The following TARS3 variants were observed in gnomAD, a reference collection of about 807,000 sequenced individuals.
The protein encoded by TARS3 is threonyl-tRNA synthetase 3, also known as threonine--tRNA ligase 2, cytoplasmic.
In TARS3, 94 loss-of-function variants were observed where a neutral mutation model predicts 103.5. That is an observed-to-expected ratio of 0.91 (90% confidence interval 0.77 to 1.08). TARS3 has a LOEUF of 1.08. TARS3 is among the 50% of genes least tolerant of loss of function. The pLI, the probability that TARS3 is intolerant of heterozygous loss-of-function variation, is 0.00. For synonymous variants in TARS3, 416 were observed against 355.4 expected (o/e 1.17, Z -1.92); for missense variants, 952 against 995.2 (o/e 0.96, Z 0.58).
chr15:101,655,901 G>A (rs1596276110), intron 18 of TARS3: 3 of 1,289,052 alleles, frequency 2.3e-6, no homozygotes, highest in Admixed American at 4.6e-5. Flanking sequence ...AGACCCATGC[G>A]AGCCAGCCAG....
chr15:101,654,566 A>G lies in TARS3; in HGVS notation c.*16T>C, dbSNP rs765766747. 8 of 1,602,968 alleles carry G rather than the reference A, an allele frequency of 5.0e-6. No individual in the cohort carries two copies. The highest frequency in any genetic ancestry group is 1.8e-5 in the Admixed American group (1 of 55,604). On this transcript the variant is annotated 3_prime_UTR_variant, in exon 19 of 19. Coordinates refer to ENST00000335968, the MANE Select transcript of TARS3 (RefSeq NM_152334.3). ...TCAAAACAAAGTTACACAGAAGCAAATATCAGGGAAGGACTTCAAAAGGCC... is the reference window on the plus strand; with the variant it reads ...TCAAAACAAAGTTACACAGAAGCAAGTATCAGGGAAGGACTTCAAAAGGCC...
At chr15:101,702,978 C>A (rs1221764841) in intron 8 of TARS3, among the ~76,000 whole-genome samples, 1 of 152,132 alleles carries the variant, frequency 6.6e-6, no homozygotes, top group East Asian at 1.9e-4. Flanking sequence ...ATCATAATCA[C>A]CAAGGATGGG....
At chr15:101,714,156 T>C (rs1305248440) in intron 4 of TARS3, among the ~76,000 whole-genome samples, 1 of 152,222 alleles carries the variant, frequency 6.6e-6, no homozygotes, top group Non-Finnish European at 1.5e-5. Context: ...ATATTAAGTA[T>C]TTAAAGGATA....
intron 10 of TARS3, among the ~76,000 whole-genome samples, chr15:101,687,827 T>C (rs1898540228): frequency 6.6e-6 from 1 of 152,106 alleles, no homozygotes; most frequent in African/African-American, 2.4e-5. Context: ...AGTGTCCTTA[T>C]AAAAGGATTC....
chr15:101,658,031 G>A (rs774963997), intron 16 of TARS3, among the ~76,000 whole-genome samples, 174 bp from the exon 17 acceptor site: 4 of 152,150 alleles, frequency 2.6e-5, no homozygotes, highest in Non-Finnish European at 5.9e-5. Context: ...GTAAATGAAA[G>A]GAGAATTTTG....
intron 12 of TARS3, 25 bp downstream of exon 12, chr15:101,684,050 T>A: frequency 6.3e-7 from 1 of 1,599,106 alleles, no homozygotes; most frequent in Non-Finnish European, 8.5e-7. Context: ...GTGACCACAC[T>A]GCTTCACTCT....
chr15:101,723,148 C>CT lies in TARS3; in HGVS notation c.313dup (p.Ser105LysfsTer17). ...CTTCTTTTTCATGTCCTTGTCTTGG[C>CT]TTTGACTAGGAGGAGGCTGAAAGAT... On this transcript the variant is annotated frameshift_variant, in exon 2 of 19. Coordinates refer to ENST00000335968, the MANE Select transcript of TARS3 (RefSeq NM_152334.3). LOFTEE classifies it high-confidence loss of function. 6.2e-7 allele frequency: 1 copy of CT among 1,614,046 alleles called. No homozygotes were observed. The highest frequency in any genetic ancestry group is 1.1e-5 in the South Asian group (1 of 91,076).
intron 3 of TARS3, 67 bp downstream of exon 3, chr15:101,721,058 GA>G: frequency 7.2e-7 from 1 of 1,393,698 alleles, no homozygotes; most frequent in Non-Finnish European, 9.9e-7. Context: ...CGGTCCCTAA[GA>G]AAACATTTTC....
At chr15:101,657,567 T>C (rs1014185098) in intron 17 of TARS3, among the ~76,000 whole-genome samples, 2 of 152,256 alleles carry the variant, frequency 1.3e-5, no homozygotes, top group Non-Finnish European at 2.9e-5. Flanking sequence ...AATTATGATA[T>C]GTTTTAAAAT....
At chr15:101,666,908 T>C (rs1336635750) in intron 15 of TARS3, among the ~76,000 whole-genome samples, 3 of 152,184 alleles carry the variant, frequency 2.0e-5, no homozygotes, top group Non-Finnish European at 4.4e-5. Context: ...GCTTATGAGG[T>C]TGTTAATGTA....
At chr15:101,711,315 A>C (rs1308008475) in intron 5 of TARS3, among the ~76,000 whole-genome samples, 1 of 152,228 alleles carries the variant, frequency 6.6e-6, no homozygotes, top group Non-Finnish European at 1.5e-5. Flanking sequence ...AATGCCTTAG[A>C]CCATTTCTAA....
At chr15:101,709,440 C>T (rs1181760977) in intron 5 of TARS3, among the ~76,000 whole-genome samples, 1 of 152,188 alleles carries the variant, frequency 6.6e-6, no homozygotes, top group Non-Finnish European at 1.5e-5. Context: ...ACTCCTCAAA[C>T]AAGCCACACA....
chr15:101,719,818 A>C (rs1036435573), intron 3 of TARS3, among the ~76,000 whole-genome samples: 1 of 152,184 alleles, frequency 6.6e-6, no homozygotes, highest in Non-Finnish European at 1.5e-5. Context: ...TGCATGGACC[A>C]GAGATGTCCA....
intron 2 of TARS3, 68 bp from the exon 3 acceptor site, chr15:101,721,390 A>G: frequency 8.0e-7 from 1 of 1,255,072 alleles, no homozygotes; most frequent in Non-Finnish European, 1.1e-6. Flanking sequence ...CTCAGCTCTG[A>G]ATCAGGCTCA....
chr15:101,681,588 T>C (rs1409023167), intron 12 of TARS3, among the ~76,000 whole-genome samples: 1 of 152,210 alleles, frequency 6.6e-6, no homozygotes, highest in Non-Finnish European at 1.5e-5. Context: ...GGCTGGGAAA[T>C]CCAAGATCAA....
intron 10 of TARS3, among the ~76,000 whole-genome samples, chr15:101,693,753 G>C (rs1026789079): frequency 2.0e-5 from 3 of 152,142 alleles, no homozygotes; most frequent in Admixed American, 6.5e-5. Flanking sequence ...ACTCAACTCG[G>C]ATGCATCTCC....
At chr15:101,675,813 T>A (rs1897999128) in intron 12 of TARS3, 76 bp from the exon 13 acceptor site, 1 of 1,467,934 alleles carries the variant, frequency 6.8e-7, no homozygotes, top group Non-Finnish European at 9.3e-7. Flanking sequence ...ATTCTTCATG[T>A]CAGACAGAAA....
intron 6 of TARS3, among the ~76,000 whole-genome samples, chr15:101,708,186 G>A (rs1314594150): frequency 3.0e-5 from 4 of 133,628 alleles, no homozygotes; most frequent in Non-Finnish European, 6.2e-5. Context: ...AGGTTGCAGT[G>A]AGCCAAGATA....
At chr15:101,677,992 T>C (rs1284626596) in intron 12 of TARS3, among the ~76,000 whole-genome samples, 1 of 151,094 alleles carries the variant, frequency 6.6e-6, no homozygotes, top group Non-Finnish European at 1.5e-5. Flanking sequence ...TCATTTTTTT[T>C]TTTTTTTTGA....
Sources: allele counts gnomAD v4.1 joint callset (sites outside exome capture counted in the v4.1 genomes callset), GRCh38; gene constraint gnomAD v4.1.1; transcripts MANE v1.5; gene names NCBI Gene and HGNC (gene_info 2026-07-23, HGNC 2026-07-21).